GINS1: variants seen among roughly 807,000 people sequenced by gnomAD.
GINS1 encodes the protein GINS complex subunit 1, also known as DNA replication complex GINS protein PSF1.
GINS1 carries 26 observed loss-of-function variants against 34.9 expected under a neutral mutation model. The ratio of observed to expected loss-of-function variants is 0.74; its 90% CI spans 0.55 to 1.03. The LOEUF is 1.03. Among genes scored for constraint, GINS1 ranks in the 50% least tolerant of loss-of-function variants. GINS1 has a pLI of 0.00. For synonymous variants in GINS1, 97 were observed against 84.4 expected (o/e 1.15, Z -0.82); for missense variants, 235 against 237.9 (o/e 0.99, Z 0.08).
rs751622371 is a variant in GINS1, at chr20:25,413,848, C to T, written c.134C>T (p.Ser45Phe). Residue 45 changes from serine (S) to phenylalanine (F), a missense_variant, in exon 2 of 7, where the codon TCT (serine) becomes TTT (phenylalanine). Ser to Phe is a radical substitution (Grantham distance 155). Transcript: ENST00000262460. ...EMKALYEQNQ[S>F]DVNEAKSGGR... is the part of the protein sequence containing the mutation. The stretch of plus-strand genomic sequence containing the variant: ...AAAGCTTTGTATGAACAAAACCAGT[C>T]TGATGTGTAAGTTTCATAAGATGAT... 2 of 1,530,142 alleles carry T rather than the reference C, an allele frequency of 1.3e-6. No individual in the cohort carries two copies. The highest frequency in any genetic ancestry group is 1.7e-5 in the Admixed American group (1 of 59,908). The allele number at this position is 1,530,142 out of a possible 1,614,324, so 94.8% of individuals were successfully genotyped here. A position where few individuals can be genotyped will look rare whatever the true frequency, so the allele number is the denominator to read the frequency against.
chr20:25,428,623 C>G (rs1033652796), intron 5 of GINS1, among the ~76,000 whole-genome samples: 1 of 151,410 alleles, frequency 6.6e-6, no homozygotes, highest in African/African-American at 2.4e-5. Flanking sequence ...CCAGGATGGT[C>G]TGGATCTCCT....
chr20:25,420,554 A>T (rs929400852), intron 4 of GINS1, among the ~76,000 whole-genome samples: 3 of 152,116 alleles, frequency 2.0e-5, no homozygotes, highest in African/African-American at 7.2e-5. Context: ...CTTCTACCCC[A>T]GTGACCTCAT....
intron 6 of GINS1, among the ~76,000 whole-genome samples, chr20:25,444,280 T>C (rs1490994831): frequency 6.6e-6 from 1 of 152,170 alleles, no homozygotes; most frequent in Non-Finnish European, 1.5e-5. Flanking sequence ...CCCAAAGTGC[T>C]GGGATTACAG....
rs1194746400 is a variant in GINS1, at chr20:25,407,699, G to T, written c.-122G>T. The T allele has an allele frequency of 5.2e-6, 4 of 773,540 alleles. No individual in the cohort carries two copies. In the Admixed American group the frequency reaches 7.0e-5, roughly 14 times the overall value. The allele number at this position is 773,540 out of a possible 1,614,324, so 47.9% of individuals were successfully genotyped here. A position where few individuals can be genotyped will look rare whatever the true frequency, so the allele number is the denominator to read the frequency against. The stretch of plus-strand genomic sequence containing the variant: ...TTCGGCGCCAAAGCGCGGAGCGGAG[G>T]CCGAGGCGAGAGCCTGGCGCTGTAG... On this transcript the variant is annotated 5_prime_UTR_variant, in exon 1 of 7. Coordinates refer to ENST00000262460, the MANE Select transcript of GINS1 (RefSeq NM_021067.5).
intron 5 of GINS1, among the ~76,000 whole-genome samples, chr20:25,428,967 C>CTTTTTTTTTTTTTT (rs1241187859): frequency 8.8e-6 from 1 of 114,162 alleles, no homozygotes; most frequent in Non-Finnish European, 1.8e-5. Context: ...TCATTCCTCT[C>CTTTTTTTTTTTTTT]TCTTTTTTTT....
intron 6 of GINS1, among the ~76,000 whole-genome samples, chr20:25,443,796 T>C (rs2090495734): frequency 6.6e-6 from 1 of 151,596 alleles, no homozygotes; most frequent in Non-Finnish European, 1.5e-5. Flanking sequence ...GGTTGAATTT[T>C]TTAACTCTGT....
chr20:25,423,745 C>T (rs2090373760), intron 4 of GINS1, among the ~76,000 whole-genome samples: 1 of 151,160 alleles, frequency 6.6e-6, no homozygotes, highest in African/African-American at 2.4e-5. Context: ...TCCCGAGTAG[C>T]TGGGACTACT....
intron 6 of GINS1, among the ~76,000 whole-genome samples, chr20:25,442,668 C>T (rs924236605): frequency 8.1e-5 from 12 of 148,054 alleles, no homozygotes; most frequent in Admixed American, 4.8e-4. Flanking sequence ...AGTGCAGTGG[C>T]GGGATCTCCA....
rs925224995 is a variant in GINS1 at position 25,425,972 on chromosome 20, AT to A, written c.447+652del. On this transcript the variant is annotated intron_variant, in intron 5 of 6. Transcript: ENST00000262460. ...GCTGTCACCACCATTCCATATCCAG[AT>A]TTTTTTCATCTTATAAAACTGAAAC... 3.3e-5 allele frequency among the ~76,000 whole-genome samples: 5 copies of A among 152,138 alleles called. No individual in the cohort carries two copies. In the East Asian group the frequency reaches 5.8e-4, roughly 18 times the overall value.
chr20:25,413,486 G>A (rs565611667), intron 1 of GINS1: 1 of 291,326 alleles, frequency 3.4e-6, no homozygotes, highest in African/African-American at 2.2e-5. Flanking sequence ...GTTTTCTTGA[G>A]TATATATATA....
At chr20:25,442,344 CTGTCTG>C (rs2090486516) in intron 6 of GINS1, among the ~76,000 whole-genome samples, 2 of 65,756 alleles carry the variant, frequency 3.0e-5, no homozygotes, top group South Asian at 1.3e-3. Flanking sequence ...ATCTATCTGT[CTGTCTG>C]TCTGTCTGTC....
intron 5 of GINS1, among the ~76,000 whole-genome samples, chr20:25,428,967 C>CTT (rs1241187859): frequency 7.0e-5 from 8 of 114,220 alleles, no homozygotes; most frequent in South Asian, 2.8e-4. Flanking sequence ...TCATTCCTCT[C>CTT]TCTTTTTTTT....
rs193089227 is a variant in GINS1 at position 25,415,148 on chromosome 20, G to T, written c.140+1294G>T. Among the ~76,000 whole-genome samples the T allele has an allele frequency of 1.1e-4, 16 of 152,288 alleles. No homozygotes were observed. In the East Asian group the frequency reaches 2.5e-3, roughly 24 times the overall value. On this transcript the variant is annotated intron_variant, in intron 2 of 6. Coordinates refer to ENST00000262460, the MANE Select transcript of GINS1 (RefSeq NM_021067.5). Reference sequence around the variant, plus strand: ...AATATAGAAATCAGTGTTATGGCTGGTAAGATTTGTGAGGCACATAAAATG... The same window carrying T: ...AATATAGAAATCAGTGTTATGGCTGTTAAGATTTGTGAGGCACATAAAATG...
At chr20:25,424,760 A>G (rs149618700) in intron 4 of GINS1, among the ~76,000 whole-genome samples, 34 of 152,334 alleles carry the variant, frequency 2.2e-4, no homozygotes, top group Admixed American at 1.2e-3. Context: ...GGTAATGGCA[A>G]TACGTTTCAG....
chr20:25,430,602 C>T (rs1400732750), intron 5 of GINS1, among the ~76,000 whole-genome samples: 1 of 152,174 alleles, frequency 6.6e-6, no homozygotes, highest in African/African-American at 2.4e-5. Context: ...ACGATCTTGA[C>T]TCACCGCAAC....
intron 5 of GINS1, among the ~76,000 whole-genome samples, chr20:25,439,057 A>G (rs2090468874): frequency 6.6e-6 from 1 of 152,218 alleles, no homozygotes; most frequent in Admixed American, 6.5e-5. Context: ...GAAGAATTCC[A>G]GCTAACAAAT....
chr20:25,426,795 G>A (rs1387166120), intron 5 of GINS1, among the ~76,000 whole-genome samples: 3 of 152,030 alleles, frequency 2.0e-5, no homozygotes, highest in Non-Finnish European at 2.9e-5. Flanking sequence ...AAAGTGCTGC[G>A]ATTACAGGTG....
intron 5 of GINS1, among the ~76,000 whole-genome samples, chr20:25,426,371 C>G (rs2090390749): frequency 6.6e-6 from 1 of 151,820 alleles, no homozygotes; most frequent in African/African-American, 2.4e-5. Flanking sequence ...CAAGACTAGC[C>G]TGACCAACAT....
chr20:25,433,395 T>C (rs2090437895), intron 5 of GINS1, among the ~76,000 whole-genome samples: 2 of 152,202 alleles, frequency 1.3e-5, no homozygotes. Flanking sequence ...CTCAAGTCCC[T>C]TATATAAAGT....
Sources: gnomAD v4.1 joint callset for allele counts (sites outside exome capture counted in the v4.1 genomes callset) on GRCh38, gnomAD v4.1.1 for gene constraint, MANE v1.5 for transcripts, NCBI Gene and HGNC (gene_info 2026-07-23, HGNC 2026-07-21) for gene names.